The following FUT8 variants were observed in gnomAD, a reference collection of about 807,000 sequenced individuals.
The protein encoded by FUT8 is fucosyltransferase 8, also known as alpha-(1,6)-fucosyltransferase.
FUT8 carries 29 observed loss-of-function variants against 71.3 expected under a neutral mutation model. That is an observed-to-expected ratio of 0.41 (90% CI 0.30 to 0.55). The LOEUF is 0.55. Ranked by LOEUF, FUT8 falls within the 20% of genes least tolerant of loss-of-function variation. The pLI is 0.34. For synonymous variants in FUT8, 254 were observed against 239.3 expected (o/e 1.06, Z -0.57); for missense variants, 544 against 702.1 (o/e 0.77, Z 2.55).
At chr14:65,687,744 C>A (rs1179249678) in intron 7 of FUT8, among the ~76,000 whole-genome samples, 1 of 151,966 alleles carries the variant, frequency 6.6e-6, no homozygotes, top group Non-Finnish European at 1.5e-5. Context: ...TTATTCTCCC[C>A]AACCTTTTTA....
At chr14:65,437,880 A>C (rs2065585039) in intron 1 of FUT8, among the ~76,000 whole-genome samples, 1 of 152,138 alleles carries the variant, frequency 6.6e-6, no homozygotes, top group Non-Finnish European at 1.5e-5. Flanking sequence ...GTAATGTAGA[A>C]GTCTTAACTG....
chr14:65,633,655 G>C (rs1348792608), intron 6 of FUT8, among the ~76,000 whole-genome samples: 2 of 150,388 alleles, frequency 1.3e-5, no homozygotes, highest in East Asian at 2.0e-4. Flanking sequence ...TGTGAGGAGC[G>C]CCTCTGCCCG....
chr14:65,557,227 G>C (rs939507918), intron 2 of FUT8, among the ~76,000 whole-genome samples: 1 of 151,766 alleles, frequency 6.6e-6, no homozygotes, highest in East Asian at 1.9e-4. Flanking sequence ...ATTACCCAAA[G>C]AATCTCTGTA....
chr14:65,357,401 A>G, the FUT8 span, among the ~76,000 whole-genome samples: 2 of 152,220 alleles, frequency 1.3e-5, no homozygotes, highest in African/African-American at 4.8e-5. Flanking sequence ...ATAGCTGTAA[A>G]ACAGTCTCAG....
intron 7 of FUT8, among the ~76,000 whole-genome samples, chr14:65,671,487 T>C (rs969053757): frequency 6.6e-6 from 1 of 152,172 alleles, no homozygotes; most frequent in Admixed American, 6.5e-5. Flanking sequence ...CCCAGGGTCA[T>C]ACAGCTTATA....
At chr14:65,435,673 G>A (rs981676016) in intron 1 of FUT8, among the ~76,000 whole-genome samples, 1 of 150,820 alleles carries the variant, frequency 6.6e-6, no homozygotes, top group South Asian at 2.1e-4. Context: ...AATTTTGTAT[G>A]AAACTGCCAA....
intron 10 of FUT8, among the ~76,000 whole-genome samples, chr14:65,738,404 A>G (rs1896330189): frequency 6.6e-6 from 1 of 151,966 alleles, no homozygotes; most frequent in Non-Finnish European, 1.5e-5. Context: ...AGACTAATGG[A>G]TTCCTCCCCC....
intron 1 of FUT8, among the ~76,000 whole-genome samples, chr14:65,450,641 T>A (rs76594196): frequency 0.011 from 1,751 of 152,326 alleles, 21 homozygotes; most frequent in Non-Finnish European, 0.02. Context: ...TCTTTCAGTT[T>A]GTATCTTTTC....
chr14:65,494,920 GAAGGACT>G (rs1204759764), intron 2 of FUT8, among the ~76,000 whole-genome samples: 1 of 152,050 alleles, frequency 6.6e-6, no homozygotes, highest in Non-Finnish European at 1.5e-5. Flanking sequence ...TGTATAGTTA[GAAGGACT>G]TCCAAGAGAC....
intron 9 of FUT8, 112 bp downstream of exon 9, chr14:65,724,435 GT>G: frequency 1.5e-6 from 1 of 670,766 alleles, no homozygotes; most frequent in African/African-American, 1.8e-5. Flanking sequence ...AATTATTAGG[GT>G]TTTAAAAATT....
chr14:65,686,653 A>G (rs1407939083), intron 7 of FUT8, among the ~76,000 whole-genome samples: 1 of 152,182 alleles, frequency 6.6e-6, no homozygotes, highest in Admixed American at 6.5e-5. Context: ...AGGTAGGGAG[A>G]GGAGGTTGAT....
At chr14:65,419,893 C>A (rs1224614144) in intron 1 of FUT8, among the ~76,000 whole-genome samples, 10 of 152,090 alleles carry the variant, frequency 6.6e-5, no homozygotes, top group Admixed American at 5.2e-4. Context: ...GACATCCAGC[C>A]CTCTATCAAC....
chr14:65,621,497 C>T (rs1177537289), intron 5 of FUT8, among the ~76,000 whole-genome samples: 2 of 151,996 alleles, frequency 1.3e-5, no homozygotes, highest in Non-Finnish European at 2.9e-5. Flanking sequence ...ATCTGCCCGC[C>T]TTGGCCCGTT....
At chr14:65,397,531 T>G in the FUT8 span, among the ~76,000 whole-genome samples, 1 of 152,240 alleles carries the variant, frequency 6.6e-6, no homozygotes, top group African/African-American at 2.4e-5. The surrounding 1 kb of genome is among the most constrained non-coding windows in gnomAD (Gnocchi z 4.2). Flanking sequence ...GTACTCTGGT[T>G]TCCACCTATA....
At chr14:65,625,932 A>G (rs1436373479) in intron 5 of FUT8, among the ~76,000 whole-genome samples, 2 of 152,162 alleles carry the variant, frequency 1.3e-5, no homozygotes, top group Non-Finnish European at 2.9e-5. Context: ...TTTAGCATCT[A>G]GTTAAGAATC....
chr14:65,614,194 G>C (rs1889162595), intron 3 of FUT8, among the ~76,000 whole-genome samples: 1 of 151,856 alleles, frequency 6.6e-6, no homozygotes, highest in African/African-American at 2.4e-5. Context: ...CCTTAAACTG[G>C]TCATGATGGT....
intron 2 of FUT8, among the ~76,000 whole-genome samples, chr14:65,523,516 C>T (rs898968989): frequency 2.3e-3 from 352 of 152,246 alleles, no homozygotes; most frequent in Non-Finnish European, 4.2e-3. Flanking sequence ...TTCTCCCATT[C>T]TGTAGGTTGC....
At chr14:65,514,100 T>A (rs907225182) in intron 2 of FUT8, among the ~76,000 whole-genome samples, 1 of 152,238 alleles carries the variant, frequency 6.6e-6, no homozygotes, top group Non-Finnish European at 1.5e-5. Flanking sequence ...CTGTAGCATT[T>A]TAGCAGGAAA....
intron 10 of FUT8, 125 bp from the exon 11 acceptor site, chr14:65,741,968 G>A (rs1896525208): frequency 2.1e-5 from 14 of 680,130 alleles, no homozygotes; most frequent in Middle Eastern, 3.3e-4. Flanking sequence ...CTGAAAGCTT[G>A]TGACTAGAAT....
Sources: allele counts gnomAD v4.1 joint callset (sites outside exome capture counted in the v4.1 genomes callset), GRCh38; gene constraint gnomAD v4.1.1; non-coding constraint Gnocchi (gnomAD v3.1); transcripts MANE v1.5; gene names NCBI Gene and HGNC (gene_info 2026-07-23, HGNC 2026-07-21).